Variants in PANX1 observed in about 807,000 individuals in gnomAD.
The protein encoded by PANX1 is pannexin 1.
A neutral mutation model predicts 38.7 loss-of-function variants in PANX1; 30 were observed. The ratio of observed to expected loss-of-function variants is 0.78; its 90% CI spans 0.58 to 1.05. PANX1 has a LOEUF of 1.05. PANX1 is among the 50% of genes least tolerant of loss of function. The pLI is 0.00. For synonymous variants in PANX1, 230 were observed against 212.2 expected (o/e 1.08, Z -0.73); for missense variants, 551 against 517.2 (o/e 1.07, Z -0.63).
Position 94,129,292 on chromosome 11 carries a change from C to G in PANX1, c.-21C>G, listed in dbSNP as rs77517764. The G allele has an allele frequency of 6.6e-3, 10,488 of 1,590,262 alleles. 610 individuals are homozygous for G. The African/African-American group carries it at 0.13, about 19-fold the overall frequency. ...GCCGGCTGTACCCGGACCTCCTGGT[C>G]GAGCCTGGCGCGCCGCAGCCATGGC... On this transcript the variant is annotated 5_prime_UTR_variant, in exon 1 of 5. Transcript: ENST00000227638.
At chr11:94,147,664 C>T (rs1199988488) in intron 1 of PANX1, among the ~76,000 whole-genome samples, 1 of 152,182 alleles carries the variant, frequency 6.6e-6, no homozygotes, top group Non-Finnish European at 1.5e-5. Flanking sequence ...TGAGATAAGC[C>T]TCGCAGGTTC....
intron 2 of PANX1, among the ~76,000 whole-genome samples, chr11:94,167,273 C>T (rs1947112757): frequency 6.6e-6 from 1 of 152,212 alleles, no homozygotes; most frequent in Admixed American, 6.5e-5. Context: ...GTACTTCCTA[C>T]TCTCTTCAAT....
intron 2 of PANX1, among the ~76,000 whole-genome samples, chr11:94,154,576 T>C (rs574802616): frequency 6.6e-6 from 1 of 152,370 alleles, no homozygotes; most frequent in East Asian, 1.9e-4. Context: ...TCTTCTGCTT[T>C]GACCTGCTTC....
chr11:94,167,730 A>C (rs1222708042), intron 2 of PANX1, among the ~76,000 whole-genome samples: 7 of 152,236 alleles, frequency 4.6e-5, no homozygotes, highest in Non-Finnish European at 8.8e-5. Flanking sequence ...ATTTAGTCAC[A>C]GTTGATTTCA....
chr11:94,164,702 C>T lies in PANX1; in HGVS notation c.321+11072C>T, dbSNP rs532050215. Among the ~76,000 whole-genome samples, 3 of 152,294 alleles carry T rather than the reference C, an allele frequency of 2.0e-5. No homozygotes were observed. The South Asian group carries it at 6.2e-4, about 32-fold the overall frequency. On this transcript the variant is annotated intron_variant, in intron 2 of 4. Coordinates refer to ENST00000227638, the MANE Select transcript of PANX1 (RefSeq NM_015368.4). The stretch of plus-strand genomic sequence containing the variant: ...GTAAATGTCTGTTAGGTATATTTGG[C>T]CTACAGTGTAGCTTGAGCCTGATAT...
intron 1 of PANX1, among the ~76,000 whole-genome samples, chr11:94,145,806 G>C (rs761230418): frequency 6.6e-6 from 1 of 152,218 alleles, no homozygotes; most frequent in Non-Finnish European, 1.5e-5. Context: ...TATAGATACT[G>C]TTGGGAGCCA....
At chr11:94,165,698 G>A (rs1395105758) in intron 2 of PANX1, among the ~76,000 whole-genome samples, 1 of 152,088 alleles carries the variant, frequency 6.6e-6, no homozygotes, top group Non-Finnish European at 1.5e-5. Context: ...ATCACATGAG[G>A]TCAGGAATTC....
At chr11:94,136,784 A>AT (rs1243556645) in intron 1 of PANX1, among the ~76,000 whole-genome samples, 1 of 152,094 alleles carries the variant, frequency 6.6e-6, no homozygotes, top group Non-Finnish European at 1.5e-5. Context: ...AAAGAAAAAA[A>AT]CTTGATACAT....
intron 2 of PANX1, among the ~76,000 whole-genome samples, chr11:94,164,021 G>A (rs916045029): frequency 4.5e-4 from 69 of 151,888 alleles, no homozygotes; most frequent in African/African-American, 6.5e-4. Flanking sequence ...TTGGCATATC[G>A]TTGCTCATAA....
intron 2 of PANX1, among the ~76,000 whole-genome samples, chr11:94,167,613 A>G (rs1160790325): frequency 6.6e-6 from 1 of 152,258 alleles, no homozygotes; most frequent in East Asian, 1.9e-4. Context: ...ATTTTAACTA[A>G]TCATTAATCA....
intron 2 of PANX1, among the ~76,000 whole-genome samples, chr11:94,154,186 C>A: frequency 6.6e-6 from 1 of 152,042 alleles, no homozygotes; most frequent in East Asian, 1.9e-4. Context: ...TTGATAGATC[C>A]AGATACTGCA....
At chr11:94,157,247 A>ATGGGATGGC (rs1160726215) in intron 2 of PANX1, among the ~76,000 whole-genome samples, 1 of 152,124 alleles carries the variant, frequency 6.6e-6, no homozygotes, top group African/African-American at 2.4e-5. Flanking sequence ...ATACCTAGTA[A>ATGGGATGGC]TGGGATGGCT....
intron 2 of PANX1, among the ~76,000 whole-genome samples, chr11:94,165,881 C>A (rs1193561590): frequency 6.6e-6 from 1 of 152,084 alleles, no homozygotes; most frequent in African/African-American, 2.4e-5. Context: ...CCATTGCACT[C>A]CAGCCTGGGC....
chr11:94,162,875 T>TC (rs1947062675), intron 2 of PANX1, among the ~76,000 whole-genome samples: 2 of 145,828 alleles, frequency 1.4e-5, no homozygotes, highest in South Asian at 4.3e-4. Context: ...ACCTCTCTTT[T>TC]TTTTTTTTTT....
At chr11:94,163,142 C>T (rs1947066592) in intron 2 of PANX1, among the ~76,000 whole-genome samples, 1 of 152,108 alleles carries the variant, frequency 6.6e-6, no homozygotes. Context: ...AGCCACCACA[C>T]CTGGCTTATT....
intron 1 of PANX1, among the ~76,000 whole-genome samples, chr11:94,136,152 C>T (rs574653906): frequency 1.7e-4 from 26 of 151,932 alleles, no homozygotes; most frequent in African/African-American, 6.0e-4. Flanking sequence ...CATCATTTTC[C>T]GAATAGTTTT....
intron 2 of PANX1, among the ~76,000 whole-genome samples, chr11:94,171,419 A>T (rs1041658860): frequency 6.6e-5 from 10 of 151,692 alleles, no homozygotes; most frequent in African/African-American, 2.4e-4. Context: ...AGCTTTATGC[A>T]GGCAGAGACC....
chr11:94,157,185 C>T (rs902000368), intron 2 of PANX1, among the ~76,000 whole-genome samples: 3 of 152,106 alleles, frequency 2.0e-5, no homozygotes, highest in African/African-American at 7.2e-5. Flanking sequence ...CCACAATAAA[C>T]ATACATGTAC....
At chr11:94,179,034 G>T (rs777598783) in intron 3 of PANX1, among the ~76,000 whole-genome samples, 1 of 152,012 alleles carries the variant, frequency 6.6e-6, no homozygotes, top group Admixed American at 6.6e-5. Context: ...TTTGGTTCTT[G>T]TTATTGAATA....
Sources: allele counts gnomAD v4.1 joint callset (sites outside exome capture counted in the v4.1 genomes callset), GRCh38; gene constraint gnomAD v4.1.1; transcripts MANE v1.5; gene names NCBI Gene and HGNC (gene_info 2026-07-23, HGNC 2026-07-21).